The following DRC8 variants were observed in gnomAD, a reference collection of about 807,000 sequenced individuals.
The protein encoded by DRC8 is dynein regulatory complex subunit 8.
the DRC8 span, among the ~76,000 whole-genome samples, chr1:244,989,450 A>G: frequency 1.3e-5 from 2 of 152,058 alleles, no homozygotes; most frequent in Admixed American, 6.6e-5. Context: ...ATGCCCCTCT[A>G]TTAGAATTTG....
the DRC8 span, among the ~76,000 whole-genome samples, chr1:245,044,701 G>A: frequency 6.6e-6 from 1 of 152,002 alleles, no homozygotes; most frequent in Non-Finnish European, 1.5e-5. Context: ...TTAGTAGGTG[G>A]GATTACAGGC....
At chr1:245,070,766 C>A in the DRC8 span, among the ~76,000 whole-genome samples, 5 of 152,070 alleles carry the variant, frequency 3.3e-5, no homozygotes, top group Admixed American at 6.5e-5. Flanking sequence ...ATGTATGTGC[C>A]CCTTCAAAAT....
the DRC8 span, among the ~76,000 whole-genome samples, chr1:245,023,520 A>G: frequency 6.6e-6 from 1 of 152,208 alleles, no homozygotes; most frequent in African/African-American, 2.4e-5. Flanking sequence ...TGTTTTCTCC[A>G]CATCTTTGCC....
At chr1:245,046,693 C>A in the DRC8 span, among the ~76,000 whole-genome samples, 1 of 150,828 alleles carries the variant, frequency 6.6e-6, no homozygotes, top group Admixed American at 6.6e-5. Context: ...TTTTTATTCT[C>A]ATCTCAAGGA....
chr1:245,055,759 C>G, the DRC8 span, among the ~76,000 whole-genome samples: 1 of 152,228 alleles, frequency 6.6e-6, no homozygotes, highest in Non-Finnish European at 1.5e-5. Context: ...TTCGAACTCT[C>G]TCTTAGGTTT....
chr1:245,071,160 G>A, the DRC8 span, among the ~76,000 whole-genome samples: 13 of 152,310 alleles, frequency 8.5e-5, no homozygotes, highest in South Asian at 2.7e-3. Context: ...TGATCTTCGT[G>A]GGACTATTTC....
chr1:245,064,430 A>G, the DRC8 span, among the ~76,000 whole-genome samples: 1 of 152,248 alleles, frequency 6.6e-6, no homozygotes, highest in South Asian at 2.1e-4. Flanking sequence ...GTCCCTTTAC[A>G]TATGATGGTT....
the DRC8 span, among the ~76,000 whole-genome samples, chr1:244,985,667 C>A: frequency 6.6e-6 from 1 of 151,944 alleles, no homozygotes; most frequent in Admixed American, 6.6e-5. Flanking sequence ...AGTTCAAGAC[C>A]AGCCTGGCTA....
the DRC8 span, among the ~76,000 whole-genome samples, chr1:245,006,739 GC>G: frequency 7.2e-5 from 11 of 152,138 alleles, no homozygotes; most frequent in Non-Finnish European, 1.5e-4. Context: ...TTTGAGACCA[GC>G]CTGGGCAGCA....
At chr1:244,970,303 G>A in the DRC8 span, 1 of 787,876 alleles carries the variant, frequency 1.3e-6, no homozygotes, top group Non-Finnish European at 2.0e-6. Context: ...TTCCTCCCCC[G>A]GGATTCAGAG....
chr1:245,028,486 G>A, the DRC8 span, among the ~76,000 whole-genome samples: 11 of 152,126 alleles, frequency 7.2e-5, no homozygotes, highest in African/African-American at 2.7e-4. Context: ...TCTTAAAGAG[G>A]AATATTTTTT....
chr1:244,977,076 C>G, the DRC8 span, among the ~76,000 whole-genome samples: 1 of 152,144 alleles, frequency 6.6e-6, no homozygotes, highest in Non-Finnish European at 1.5e-5. Flanking sequence ...CATGAGGTAC[C>G]TAGAGAAGTC....
the DRC8 span, among the ~76,000 whole-genome samples, chr1:245,035,304 G>A: frequency 2.6e-5 from 4 of 151,644 alleles, no homozygotes; most frequent in East Asian, 1.9e-4. Context: ...CCCATTTCCC[G>A]ATCTCAAAAT....
At chr1:245,036,904 G>A in the DRC8 span, among the ~76,000 whole-genome samples, 2 of 152,152 alleles carry the variant, frequency 1.3e-5, no homozygotes, top group South Asian at 2.1e-4. Context: ...GGGATTAGAT[G>A]GTGGTGATGG....
the DRC8 span, among the ~76,000 whole-genome samples, chr1:245,001,398 C>A: frequency 6.6e-6 from 1 of 152,270 alleles, no homozygotes; most frequent in African/African-American, 2.4e-5. Flanking sequence ...TCATCAGAGT[C>A]CCCTGAGGAC....
chr1:245,043,066 A>T, the DRC8 span, among the ~76,000 whole-genome samples: 1 of 152,206 alleles, frequency 6.6e-6, no homozygotes, highest in Non-Finnish European at 1.5e-5. Flanking sequence ...CATTTTTAAT[A>T]CTTGTAACCA....
the DRC8 span, chr1:245,083,994 A>G: frequency 4.6e-6 from 1 of 216,578 alleles, no homozygotes; most frequent in Admixed American, 5.6e-5. Context: ...GAAAACATGA[A>G]CTATCGATCA....
the DRC8 span, among the ~76,000 whole-genome samples, chr1:244,976,309 T>A: frequency 4.4e-5 from 1 of 22,982 alleles, no homozygotes; most frequent in African/African-American, 6.7e-5. Context: ...TAAGAAAACT[T>A]TTAAGTCTTA....
chr1:244,991,254 G>A, the DRC8 span, among the ~76,000 whole-genome samples: 2 of 152,244 alleles, frequency 1.3e-5, no homozygotes, highest in Non-Finnish European at 2.9e-5. Flanking sequence ...TAAAGGGTGC[G>A]GTGAGCTCTG....
Sources: allele counts gnomAD v4.1 joint callset (sites outside exome capture counted in the v4.1 genomes callset), GRCh38; gene constraint gnomAD v4.1.1; transcripts MANE v1.5; gene names NCBI Gene and HGNC (gene_info 2026-07-23, HGNC 2026-07-21).